Variants in NCOA2 observed in about 807,000 individuals in gnomAD.
The protein encoded by NCOA2 is nuclear receptor coactivator 2, also known as class E basic helix-loop-helix protein 75.
A neutral mutation model predicts 145.1 loss-of-function variants in NCOA2; 21 were observed. The ratio of observed to expected loss-of-function variants is 0.14; its 90% confidence interval spans 0.10 to 0.21. NCOA2 has a LOEUF of 0.21. Among genes scored for constraint, NCOA2 ranks in the 10% least tolerant of loss-of-function variants. The probability of loss-of-function intolerance (pLI) is 1.00; values close to 1 mark genes in which losing one functional copy is unlikely to be tolerated. For missense variants in NCOA2, 1,472 were observed against 1,837.6 expected (o/e 0.80, Z 3.64); for synonymous variants, 619 against 637.5 (o/e 0.97, Z 0.44).
intron 2 of NCOA2, among the ~76,000 whole-genome samples, chr8:70,289,547 T>C (rs1340904129): frequency 2.0e-5 from 3 of 152,158 alleles, no homozygotes; most frequent in Non-Finnish European, 4.4e-5. Context: ...TACTGATAGT[T>C]AACAAATTTC....
intron 2 of NCOA2, among the ~76,000 whole-genome samples, chr8:70,224,313 T>C (rs987111370): frequency 6.6e-6 from 1 of 152,232 alleles, no homozygotes; most frequent in Admixed American, 6.5e-5. Flanking sequence ...AAGCCTTTTC[T>C]TCTGTTTCAG....
At chr8:70,249,977 A>AAAAAAAAAAAAAG (rs751876043) in intron 2 of NCOA2, among the ~76,000 whole-genome samples, 6 of 137,916 alleles carry the variant, frequency 4.4e-5, no homozygotes, top group African/African-American at 5.6e-5. Flanking sequence ...AAAAAAAAAA[A>AAAAAAAAAAAAAG]AAGAAGAAGA....
intron 1 of NCOA2, among the ~76,000 whole-genome samples, chr8:70,379,109 G>A (rs1811952174): frequency 6.6e-6 from 1 of 152,182 alleles, no homozygotes; most frequent in Admixed American, 6.5e-5. Flanking sequence ...AATGTTTTAA[G>A]TAGCATTTTA....
chr8:70,262,148 G>A (rs1824188434), intron 2 of NCOA2, among the ~76,000 whole-genome samples: 1 of 152,062 alleles, frequency 6.6e-6, no homozygotes, highest in Non-Finnish European at 1.5e-5. Context: ...TATTTATTGA[G>A]TGCTTATTAA....
intron 4 of NCOA2, among the ~76,000 whole-genome samples, chr8:70,213,555 A>G (rs1819273378): frequency 6.6e-6 from 1 of 152,150 alleles, no homozygotes; most frequent in Non-Finnish European, 1.5e-5. Context: ...TTACATCTCA[A>G]TCTGGCTGCT....
At chr8:70,216,849 A>G in intron 2 of NCOA2, 85 bp from the exon 3 acceptor site, 1 of 839,612 alleles carries the variant, frequency 1.2e-6, no homozygotes, top group Non-Finnish European at 2.0e-6. Context: ...CAATAAAAGA[A>G]TTTTGACTCC....
chr8:70,147,122 G>A (rs572589148), intron 12 of NCOA2, among the ~76,000 whole-genome samples: 8 of 150,452 alleles, frequency 5.3e-5, no homozygotes, highest in Non-Finnish European at 7.4e-5. Context: ...GCGCGCGCGC[G>A]CGCGCGTGTG....
chr8:70,224,187 G>A (rs903054102), intron 2 of NCOA2, among the ~76,000 whole-genome samples: 5 of 152,062 alleles, frequency 3.3e-5, no homozygotes, highest in East Asian at 1.9e-4. Context: ...ATTATTCCCC[G>A]AAGATAAGCA....
chr8:70,240,960 G>A (rs1531362), intron 2 of NCOA2, among the ~76,000 whole-genome samples: 7,759 of 152,166 alleles, frequency 0.051, 253 homozygotes, highest in Non-Finnish European at 0.076. Context: ...CCAAGTGGGA[G>A]GGGCAGGTCC....
chr8:70,357,755 C>T (rs576306473), intron 1 of NCOA2, among the ~76,000 whole-genome samples: 27 of 149,698 alleles, frequency 1.8e-4, no homozygotes, highest in Non-Finnish European at 2.5e-4. Flanking sequence ...AAAAAAAGCG[C>T]GGTGGGGGGA....
rs374288812 is a variant in NCOA2 at position 70,290,396 on chromosome 8, G to A, written c.-20+6348C>T. ...GTAGACACGGGGTTTCACCATGTTA[G>A]CCAGGATGGTCTCGATCTCCTAACC... On this transcript the variant is annotated intron_variant, in intron 2 of 22. Transcript: ENST00000452400. Among the ~76,000 whole-genome samples, 269 of 152,068 alleles carry A rather than the reference G, an allele frequency of 1.8e-3. 1 individual carries two copies. The highest frequency in any genetic ancestry group is 6.3e-3 in the African/African-American group (262 of 41,488).
rs775474873 is a variant in NCOA2, at chr8:70,271,443, T to C, written c.-20+25301A>G. Among the ~76,000 whole-genome samples, 3 of 152,236 alleles carry C rather than the reference T, an allele frequency of 2.0e-5. No homozygotes were observed. The South Asian group carries it at 6.2e-4, about 31-fold the overall frequency. ...AGTCATTATGCTCTTTTGTAATCTC[T>C]AATGGGAAAACTAAGAAGTTCTTCC... On this transcript the variant is annotated intron_variant, in intron 2 of 22. Transcript: ENST00000452400.
chr8:70,175,518 G>C (rs1279881651), intron 4 of NCOA2, among the ~76,000 whole-genome samples: 1 of 152,266 alleles, frequency 6.6e-6, no homozygotes, highest in East Asian at 1.9e-4. Flanking sequence ...TGCGCTCCTG[G>C]ATGGAAACGT....
intron 4 of NCOA2, among the ~76,000 whole-genome samples, chr8:70,177,336 G>A (rs1331670031): frequency 6.6e-6 from 1 of 152,160 alleles, no homozygotes; most frequent in Non-Finnish European, 1.5e-5. Context: ...CCACAAAAGA[G>A]TAGGCTACCC....
intron 3 of NCOA2, among the ~76,000 whole-genome samples, chr8:70,214,769 A>C (rs1819420270): frequency 6.6e-6 from 1 of 152,156 alleles, no homozygotes; most frequent in Non-Finnish European, 1.5e-5. Flanking sequence ...AAAATCTTCC[A>C]TTAGAATGTG....
chr8:70,235,125 G>A (rs1395709792), intron 2 of NCOA2, among the ~76,000 whole-genome samples: 1 of 152,122 alleles, frequency 6.6e-6, no homozygotes, highest in African/African-American at 2.4e-5. Flanking sequence ...ACATATAATA[G>A]AATATTATTC....
At chr8:70,252,308 C>T (rs771797547) in intron 2 of NCOA2, among the ~76,000 whole-genome samples, 5 of 152,196 alleles carry the variant, frequency 3.3e-5, no homozygotes, top group Non-Finnish European at 7.3e-5. Flanking sequence ...GCTGCAGTGG[C>T]TAACGCCTGT....
At chr8:70,450,359 G>A in the NCOA2 span, among the ~76,000 whole-genome samples, 1 of 152,124 alleles carries the variant, frequency 6.6e-6, no homozygotes, top group Admixed American at 6.5e-5. Context: ...ACACTAACTA[G>A]CCCCTTTTAC....
the NCOA2 span, among the ~76,000 whole-genome samples, chr8:70,454,869 C>T: frequency 6.6e-6 from 1 of 152,148 alleles, no homozygotes. Context: ...CAGAATTTTC[C>T]ATACTGGATT....
Sources: gnomAD v4.1 joint callset for allele counts (sites outside exome capture counted in the v4.1 genomes callset) on GRCh38, gnomAD v4.1.1 for gene constraint, MANE v1.5 for transcripts, NCBI Gene and HGNC (gene_info 2026-07-23, HGNC 2026-07-21) for gene names.